Variants in PTPN4 observed in about 807,000 individuals in gnomAD.
The protein encoded by PTPN4 is tyrosine-protein phosphatase non-receptor type 4.
PTPN4 carries 49 observed loss-of-function variants against 135.5 expected under a neutral mutation model. The ratio of observed to expected loss-of-function variants is 0.36; its 90% CI spans 0.29 to 0.46. The LOEUF is 0.46. Ranked by LOEUF, PTPN4 falls within the 20% of genes least tolerant of loss-of-function variation. PTPN4 has a pLI of 1.00. For synonymous variants in PTPN4, 333 were observed against 369.9 expected, an observed-to-expected ratio of 0.90 and a Z score of 1.14; for missense variants, 860 against 1,101.0, an observed-to-expected ratio of 0.78 and a Z score of 3.10.
At chr2:119,773,948 A>G (rs1230943434) in intron 1 of PTPN4, among the ~76,000 whole-genome samples, 1 of 152,224 alleles carries the variant, frequency 6.6e-6, no homozygotes, top group African/African-American at 2.4e-5. Context: ...TATTAAATCA[A>G]CTGCACAAAA....
At chr2:119,806,944 A>G (rs1366829939) in intron 1 of PTPN4, among the ~76,000 whole-genome samples, 2 of 152,226 alleles carry the variant, frequency 1.3e-5, no homozygotes, top group Non-Finnish European at 2.9e-5. Context: ...CCACACAACT[A>G]CATGGAAACT....
At chr2:119,767,826 G>A (rs892943399) in intron 1 of PTPN4, among the ~76,000 whole-genome samples, 1 of 152,222 alleles carries the variant, frequency 6.6e-6, no homozygotes, top group Non-Finnish European at 1.5e-5. Context: ...CCTGCTACTA[G>A]CGATGTTTAA....
At chr2:119,813,699 A>G (rs985610283) in intron 2 of PTPN4, among the ~76,000 whole-genome samples, 4 of 152,204 alleles carry the variant, frequency 2.6e-5, no homozygotes, top group Non-Finnish European at 5.9e-5. Flanking sequence ...AAGGAAATAG[A>G]CTGCATCTTG....
At chr2:119,898,984 T>C (rs1382759921) in intron 9 of PTPN4, among the ~76,000 whole-genome samples, 1 of 152,226 alleles carries the variant, frequency 6.6e-6, no homozygotes, top group Non-Finnish European at 1.5e-5. Context: ...TTTTTGGTTA[T>C]GTACTGTCTT....
At chr2:119,792,096 C>T (rs35052162) in intron 1 of PTPN4, among the ~76,000 whole-genome samples, 4,342 of 152,192 alleles carry the variant, frequency 0.029, 82 homozygotes, top group Non-Finnish European at 0.044. Flanking sequence ...TTGCGCTCTT[C>T]TATTAACAGT....
rs755791555 is a variant in PTPN4, at chr2:119,877,371, C to T, written c.289+6C>T. 1.2e-6 allele frequency: 2 copies of T among 1,611,868 alleles called. No individual in the cohort carries two copies. Among genetic ancestry groups the T allele is most frequent in the Non-Finnish European group, 1.7e-6 (2 of 1,179,264 alleles). ...AATAAGGAAGCAGCTAAAGAGTGAG[C>T]ATACATATTTACTTAATGTTTTGCA... On this transcript the variant is annotated splice_donor_region_variant and intron_variant, in intron 4 of 26. Coordinates refer to ENST00000263708, the MANE Select transcript of PTPN4 (RefSeq NM_002830.4).
chr2:119,955,270 A>G lies in PTPN4; in HGVS notation c.1927A>G (p.Met643Val), dbSNP rs759085979. The G allele has an allele frequency of 1.2e-6, 2 of 1,613,824 alleles. No individual in the cohort carries two copies. Among genetic ancestry groups the G allele is most frequent in the African/African-American group, 1.3e-5 (1 of 75,030 alleles). Residue 643 changes from methionine (M) to valine (V), a missense_variant, in exon 20 of 27, where the codon ATG (methionine) becomes GTG (valine). Transcript: ENST00000263708. ...GGATGACCATTCCCTGCGGGAGTCA[A>G]TGATCCAGCTAGCTGAGGGGCTTAT... Reference protein sequence around the residue: ...HQDDHSLRESMIQLAEGLITG... With the variant: ...HQDDHSLRESVIQLAEGLITG...
intron 25 of PTPN4, 122 bp downstream of exon 25, chr2:119,965,767 C>A: frequency 1.7e-6 from 2 of 1,189,842 alleles, no homozygotes; most frequent in Non-Finnish European, 2.3e-6. Context: ...CAAAGCTATG[C>A]TCTGAAGGTA....
intron 5 of PTPN4, among the ~76,000 whole-genome samples, chr2:119,879,821 A>G (rs1042578078): frequency 2.0e-4 from 30 of 152,294 alleles, no homozygotes; most frequent in Middle Eastern, 3.4e-3. Flanking sequence ...GAATGTAAAT[A>G]GTATATTCCC....
intron 3 of PTPN4, among the ~76,000 whole-genome samples, chr2:119,863,826 C>T (rs914081484): frequency 6.6e-6 from 1 of 152,144 alleles, no homozygotes; most frequent in African/African-American, 2.4e-5. Context: ...GATGCCTTCA[C>T]TAGACCACTT....
rs141050907 is a variant in PTPN4, at chr2:119,765,933, T to TGCGC, written c.-18+5556_-18+5559dup. ...GTGAATCTGTGTGTGTGTGTGTGTGTGCGCGCGCGCATGTGCGTTGATTGC... is the reference window on the plus strand; with the variant it reads ...GTGAATCTGTGTGTGTGTGTGTGTGTGCGCGCGCGCGCGCATGTGCGTTGATTGC... On this transcript the variant is annotated intron_variant, in intron 1 of 26. Coordinates refer to ENST00000263708, the MANE Select transcript of PTPN4 (RefSeq NM_002830.4). Among the ~76,000 whole-genome samples the TGCGC allele has an allele frequency of 2.2e-4, 33 of 151,152 alleles. 1 individual carries two copies. The highest frequency in any genetic ancestry group is 5.8e-4 in the East Asian group (3 of 5,130).
At chr2:119,936,291 C>T (rs1057112123) in intron 15 of PTPN4, among the ~76,000 whole-genome samples, 10 of 152,134 alleles carry the variant, frequency 6.6e-5, no homozygotes, top group African/African-American at 2.2e-4. Context: ...CGTGAGCCCC[C>T]GCGCCCGGCC....
chr2:119,760,839 A>C (rs1690477183), intron 1 of PTPN4, among the ~76,000 whole-genome samples: 1 of 118,672 alleles, frequency 8.4e-6, no homozygotes, highest in African/African-American at 3.3e-5. Context: ...TTCTACCAGT[A>C]TATACCTGTA....
chr2:119,947,164 A>C (rs1679145910), intron 18 of PTPN4, among the ~76,000 whole-genome samples: 1 of 152,172 alleles, frequency 6.6e-6, no homozygotes, highest in South Asian at 2.1e-4. Context: ...TTTATATAAC[A>C]AGTATTGCTT....
At chr2:119,807,299 T>C (rs1184513387) in intron 1 of PTPN4, among the ~76,000 whole-genome samples, 1 of 152,078 alleles carries the variant, frequency 6.6e-6, no homozygotes, top group Non-Finnish European at 1.5e-5. Context: ...GCTGGTTTTT[T>C]GAAAAGATCA....
Position 119,766,229 on chromosome 2 carries a change from A to C in PTPN4, c.-18+5845A>C, listed in dbSNP as rs181288342. Reference sequence around the variant, plus strand: ...TTTTCTTTGTTGCCAAGTTGGGAAAAGGATTGGGAAAACCACTGTTTTAGA... The same window carrying C: ...TTTTCTTTGTTGCCAAGTTGGGAAACGGATTGGGAAAACCACTGTTTTAGA... On this transcript the variant is annotated intron_variant, in intron 1 of 26. Transcript: ENST00000263708. 3.1e-3 allele frequency among the ~76,000 whole-genome samples: 470 copies of C among 152,294 alleles called. 1 individual carries two copies. Among genetic ancestry groups the C allele is most frequent in the African/African-American group, 0.011 (445 of 41,548 alleles).
intron 9 of PTPN4, among the ~76,000 whole-genome samples, chr2:119,895,545 CAGG>C (rs1483085751): frequency 2.6e-5 from 4 of 151,726 alleles, no homozygotes; most frequent in Non-Finnish European, 4.4e-5. Flanking sequence ...GAGGCTGAGG[CAGG>C]AGAACTGCTT....
chr2:119,862,456 C>A (rs1677774358), intron 2 of PTPN4, 80 bp from the exon 3 acceptor site: 7 of 1,346,966 alleles, frequency 5.2e-6, no homozygotes, highest in South Asian at 3.8e-5. Flanking sequence ...TAGATGAGGA[C>A]AAAAGTCAAC....
chr2:119,857,842 A>G (rs1304145497), intron 2 of PTPN4, among the ~76,000 whole-genome samples: 3 of 151,968 alleles, frequency 2.0e-5, no homozygotes, highest in African/African-American at 4.8e-5. Flanking sequence ...ATTTCCTGAT[A>G]TGGTTTGGAT....
Sources: gnomAD v4.1 joint callset for allele counts (sites outside exome capture counted in the v4.1 genomes callset) on GRCh38, gnomAD v4.1.1 for gene constraint, MANE v1.5 for transcripts, NCBI Gene and HGNC (gene_info 2026-07-23, HGNC 2026-07-21) for gene names.